LRMDA: variants seen among roughly 807,000 people sequenced by gnomAD.
The protein encoded by LRMDA is leucine-rich melanocyte differentiation-associated protein.
In LRMDA, 18 loss-of-function variants were observed where a neutral mutation model predicts 29.8. The observed-to-expected ratio is 0.60, with a 90% CI of 0.42 to 0.90. LRMDA has a LOEUF of 0.90. Ranked by LOEUF, LRMDA falls within the 40% of genes least tolerant of loss-of-function variation. LRMDA has a pLI of 0.00. For synonymous variants in LRMDA, 125 were observed against 109.4 expected, an observed-to-expected ratio of 1.14 and a Z score of -0.89; for missense variants, 273 against 273.9, an observed-to-expected ratio of 1.00 and a Z score of 0.02.
chr10:75,550,511 A>G (rs1840129201), intron 2 of LRMDA, among the ~76,000 whole-genome samples: 1 of 152,014 alleles, frequency 6.6e-6, no homozygotes, highest in Admixed American at 6.6e-5. Context: ...TTTGTGTTGT[A>G]TCTATTTTTT....
intron 2 of LRMDA, among the ~76,000 whole-genome samples, chr10:75,699,569 A>T (rs1842280335): frequency 1.3e-5 from 2 of 152,240 alleles, no homozygotes; most frequent in Non-Finnish European, 2.9e-5. Flanking sequence ...GACATCAAGG[A>T]ATGTGGAAAC....
chr10:75,693,215 G>A (rs188677759), intron 2 of LRMDA, among the ~76,000 whole-genome samples: 1 of 152,272 alleles, frequency 6.6e-6, no homozygotes, highest in Admixed American at 6.5e-5. Context: ...TCCTTTGAGT[G>A]GGGGGAATCG....
At chr10:76,163,731 A>C (rs558003721) in intron 5 of LRMDA, among the ~76,000 whole-genome samples, 3 of 152,300 alleles carry the variant, frequency 2.0e-5, no homozygotes. Context: ...AGAGTCAAAA[A>C]GATTCTGAGA....
At chr10:75,534,112 G>A (rs924239266) in intron 2 of LRMDA, among the ~76,000 whole-genome samples, 1 of 152,130 alleles carries the variant, frequency 6.6e-6, no homozygotes, top group African/African-American at 2.4e-5. Flanking sequence ...TACATCAAAG[G>A]TCTCTGCACA....
rs542511097 is a variant in LRMDA at position 75,536,258 on chromosome 10, T to C, written c.131+97764T>C. ...CAGGTTCTTCTCAGAACAGCTATTG[T>C]ACTCGGGGTCCATTCCATACTGCTC... On this transcript the variant is annotated intron_variant, in intron 2 of 6. Transcript: ENST00000611255. Among the ~76,000 whole-genome samples, 10 of 152,268 alleles carry C rather than the reference T, an allele frequency of 6.6e-5. No homozygotes were observed. In the South Asian group the frequency reaches 1.9e-3, roughly 28 times the overall value.
intron 2 of LRMDA, among the ~76,000 whole-genome samples, chr10:75,970,784 T>TC (rs1846953310): frequency 6.6e-6 from 1 of 152,196 alleles, no homozygotes; most frequent in African/African-American, 2.4e-5. Context: ...TTCCTATCCA[T>TC]CCTAATCTCA....
chr10:75,545,040 G>T (rs771277709), intron 2 of LRMDA, among the ~76,000 whole-genome samples: 2 of 151,850 alleles, frequency 1.3e-5, no homozygotes, highest in Non-Finnish European at 2.9e-5. Context: ...TCAGAGAAGC[G>T]GTTCTCAGTG....
intron 2 of LRMDA, among the ~76,000 whole-genome samples, chr10:75,775,724 C>A (rs891585406): frequency 6.6e-6 from 1 of 152,196 alleles, no homozygotes; most frequent in Non-Finnish European, 1.5e-5. Flanking sequence ...CTCCACAGAG[C>A]AGTCTTCTTG....
intron 2 of LRMDA, among the ~76,000 whole-genome samples, chr10:75,937,617 T>C (rs1010785682): frequency 2.0e-5 from 3 of 152,138 alleles, no homozygotes; most frequent in South Asian, 4.2e-4. Flanking sequence ...CTTTAAACCA[T>C]AGAAATGAAG....
At position 76,091,180 on chromosome 10, in the gene LRMDA, G is replaced by A. The variant is rs117593493; in HGVS notation, c.516+32397G>A. 3.7e-3 allele frequency among the ~76,000 whole-genome samples: 559 copies of A among 152,188 alleles called. 29 individuals carry two copies. In the East Asian group the frequency reaches 0.096, roughly 26 times the overall value. ...TCTGCTGTAAGGGTTGTAAAATAGC[G>A]AGTACTCAATAAATGTCAGCATCCC... On this transcript the variant is annotated intron_variant, in intron 5 of 6. Transcript: ENST00000611255.
intron 2 of LRMDA, among the ~76,000 whole-genome samples, chr10:75,679,528 C>T (rs183721369): frequency 2.4e-4 from 37 of 152,238 alleles, no homozygotes; most frequent in African/African-American, 7.9e-4. Flanking sequence ...CCTTCTCCAT[C>T]GGTATTATTC....
At chr10:75,734,843 TG>T (rs773222273) in intron 2 of LRMDA, among the ~76,000 whole-genome samples, 1 of 152,242 alleles carries the variant, frequency 6.6e-6, no homozygotes, top group East Asian at 1.9e-4. Flanking sequence ...CAAGCATTTT[TG>T]TTTTTAGTTA....
chr10:76,120,487 C>CAAGTATGTG (rs1849765780), intron 5 of LRMDA, among the ~76,000 whole-genome samples: 1 of 151,994 alleles, frequency 6.6e-6, no homozygotes, highest in Non-Finnish European at 1.5e-5. Context: ...CATGCCTGGC[C>CAAGTATGTG]AAGTATGTGT....
At chr10:76,484,036 G>A (rs1842757964) in intron 6 of LRMDA, among the ~76,000 whole-genome samples, 1 of 151,856 alleles carries the variant, frequency 6.6e-6, no homozygotes, top group South Asian at 2.1e-4. Flanking sequence ...TCTTTCAGCT[G>A]CTGTTGTACA....
chr10:76,282,825 C>G (rs1192308119), intron 5 of LRMDA, among the ~76,000 whole-genome samples: 2 of 152,138 alleles, frequency 1.3e-5, no homozygotes, highest in Non-Finnish European at 2.9e-5. Flanking sequence ...TTTGTGCCAG[C>G]TTCAGAGGGA....
Position 75,524,858 on chromosome 10 carries a change from A to G in LRMDA, c.131+86364A>G, listed in dbSNP as rs28542924. ...GCAAGCTGATGTGGGGGAGATAGAA[A>G]GATACCCAAGAAGCCTACAGCCTAG... On this transcript the variant is annotated intron_variant, in intron 2 of 6. Transcript: ENST00000611255. 6.1e-3 allele frequency among the ~76,000 whole-genome samples: 930 copies of G among 152,224 alleles called. 9 individuals carry two copies. The highest frequency in any genetic ancestry group is 0.02 in the African/African-American group (821 of 41,516).
intron 2 of LRMDA, among the ~76,000 whole-genome samples, chr10:75,985,431 T>C (rs9415145): frequency 0.21 from 32,393 of 152,216 alleles, 4,071 homozygotes; most frequent in South Asian, 0.42. Context: ...ATCTCTCTCC[T>C]GCCACCTCAC....
chr10:76,391,794 G>T (rs2132484506), intron 6 of LRMDA, among the ~76,000 whole-genome samples: 1 of 152,196 alleles, frequency 6.6e-6, no homozygotes, highest in Non-Finnish European at 1.5e-5. Flanking sequence ...AATCTTTTAT[G>T]GTCATAAGAA....
chr10:76,470,124 G>A (rs1462434596), intron 6 of LRMDA, among the ~76,000 whole-genome samples: 1 of 151,976 alleles, frequency 6.6e-6, no homozygotes, highest in Non-Finnish European at 1.5e-5. Flanking sequence ...GTGAAATAAA[G>A]ACATTTCTAA....
Sources: allele counts gnomAD v4.1 joint callset (sites outside exome capture counted in the v4.1 genomes callset), GRCh38; gene constraint gnomAD v4.1.1; transcripts MANE v1.5; gene names NCBI Gene and HGNC (gene_info 2026-07-23, HGNC 2026-07-21).